RLF: variants seen among roughly 807,000 people sequenced by gnomAD.
RLF encodes the protein zinc finger protein Rlf.
RLF carries 7 observed loss-of-function variants against 162.9 expected under a neutral mutation model. The ratio of observed to expected loss-of-function variants is 0.04; its 90% CI spans 0.02 to 0.08. RLF has a LOEUF of 0.08. RLF is among the 10% of genes least tolerant of loss of function. The probability of loss-of-function intolerance (pLI) is 1.00; values close to 1 mark genes in which losing one functional copy is unlikely to be tolerated. For synonymous variants in RLF, 782 were observed against 791.5 expected, an observed-to-expected ratio of 0.99 and a Z score of 0.20; for missense variants, 1,664 against 2,244.7, an observed-to-expected ratio of 0.74 and a Z score of 5.23.
chr1:40,237,447 A>C lies in RLF; in HGVS notation c.2745A>C (p.Thr915=), dbSNP rs752427201. The change falls in exon 8 of 8, where the codon ACA becomes ACC. Residue 915 remains threonine (T), a synonymous_variant. Coordinates refer to ENST00000372771, the MANE Select transcript of RLF (RefSeq NM_012421.4). This position sits in a 1 kb window ranked among gnomAD's most constrained non-coding sequence, Gnocchi z 4.4. ...SASMNEELID[T]LDHSETMQDV... is the part of the protein sequence containing the mutation. ...CAATGAATGAAGAGCTAATTGACACACTAGATCACTCTGAAACTATGCAGG... is the reference window on the plus strand; with the variant it reads ...CAATGAATGAAGAGCTAATTGACACCCTAGATCACTCTGAAACTATGCAGG... The C allele has an allele frequency of 1.9e-6, 3 of 1,614,100 alleles. No individual in the cohort carries two copies. Among genetic ancestry groups the C allele is most frequent in the South Asian group, 2.2e-5 (2 of 91,074 alleles).
intron 1 of RLF, among the ~76,000 whole-genome samples, chr1:40,176,909 C>T (rs1182840518): frequency 6.6e-6 from 1 of 151,994 alleles, no homozygotes; most frequent in Non-Finnish European, 1.5e-5. Context: ...AAGATTTTCT[C>T]CCTAGGTTGT....
intron 5 of RLF, among the ~76,000 whole-genome samples, chr1:40,212,378 ATACT>A (rs1396198765): frequency 3.3e-5 from 5 of 152,292 alleles, no homozygotes; most frequent in African/African-American, 1.2e-4. Flanking sequence ...TTAGGTTGTG[ATACT>A]TTATTTATGT....
At chr1:40,178,388 G>A (rs1642356007) in intron 1 of RLF, among the ~76,000 whole-genome samples, 1 of 152,038 alleles carries the variant, frequency 6.6e-6, no homozygotes, top group South Asian at 2.1e-4. Flanking sequence ...TGGTTGCCAA[G>A]GGCTAGAAGG....
chr1:40,233,040 A>T (rs1250254556), intron 7 of RLF, among the ~76,000 whole-genome samples: 1 of 148,606 alleles, frequency 6.7e-6, no homozygotes, highest in Non-Finnish European at 1.5e-5. Flanking sequence ...GGTGGCAGTG[A>T]GCCGAGATCA....
At chr1:40,217,476 G>C (rs894608389) in intron 5 of RLF, among the ~76,000 whole-genome samples, 1 of 150,830 alleles carries the variant, frequency 6.6e-6, no homozygotes, top group African/African-American at 2.4e-5. Context: ...GTCTCTTATA[G>C]TAAAAAACAA....
intron 6 of RLF, among the ~76,000 whole-genome samples, chr1:40,226,020 T>C (rs1643067947): frequency 6.6e-6 from 1 of 150,890 alleles, no homozygotes; most frequent in African/African-American, 2.4e-5. Flanking sequence ...TGCAGCACTC[T>C]AGTATGGGTG....
At chr1:40,197,886 CA>C (rs1232729325) in intron 4 of RLF, among the ~76,000 whole-genome samples, 3 of 152,116 alleles carry the variant, frequency 2.0e-5, no homozygotes, top group African/African-American at 7.2e-5. Flanking sequence ...TATTTGATAC[CA>C]AAAAGCAGTG....
At chr1:40,202,863 G>A (rs963602596) in intron 5 of RLF, among the ~76,000 whole-genome samples, 2 of 152,142 alleles carry the variant, frequency 1.3e-5, no homozygotes, top group South Asian at 2.1e-4. Context: ...ATGATTTGCT[G>A]TGAAATCTTT....
At chr1:40,182,304 G>A (rs980529260) in intron 1 of RLF, among the ~76,000 whole-genome samples, 4 of 152,050 alleles carry the variant, frequency 2.6e-5, no homozygotes, top group African/African-American at 9.7e-5. Flanking sequence ...CATGGTGGCG[G>A]GCGCCTGTAA....
intron 5 of RLF, among the ~76,000 whole-genome samples, chr1:40,215,801 G>C (rs1359715254): frequency 6.6e-6 from 1 of 151,880 alleles, no homozygotes; most frequent in African/African-American, 2.4e-5. Context: ...TTTATGGAGG[G>C]AAATTTCTAT....
At chr1:40,199,709 G>C (rs945153388) in intron 4 of RLF, among the ~76,000 whole-genome samples, 3 of 152,180 alleles carry the variant, frequency 2.0e-5, no homozygotes, top group African/African-American at 4.8e-5. Flanking sequence ...CAGGTATGTT[G>C]CTTCCTGTTG....
chr1:40,197,952 C>A (rs1642658898), intron 4 of RLF, among the ~76,000 whole-genome samples: 2 of 152,186 alleles, frequency 1.3e-5, no homozygotes, highest in African/African-American at 4.8e-5. Context: ...GATAATTTTA[C>A]CTGATATTCA....
In RLF at chr1:40,238,958, A is replaced by C; in HGVS notation, c.4256A>C (p.Tyr1419Ser). Residue 1419 changes from tyrosine to serine, a missense_variant, in exon 8 of 8, where the codon TAT (tyrosine) becomes TCT (serine). By Grantham distance (144) the Tyr-to-Ser change is moderately radical. Around this residue, in one of 15 missense-constraint regions of RLF, gnomAD observed 200 missense variants for 207.3 expected, o/e 0.96. Coordinates refer to ENST00000372771, the MANE Select transcript of RLF (RefSeq NM_012421.4). The surrounding 1 kb of genome is among the most constrained non-coding windows in gnomAD (Gnocchi z 5.2). ...CAGCCTCAGTGCCCTGCTGTTTTTT[A>C]TACATTCAACAAGTTGAAGCACCAC... Reference protein sequence around the residue: ...CNQPQCPAVFYTFNKLKHHLM... With the variant: ...CNQPQCPAVFSTFNKLKHHLM... 1 of 1,614,212 alleles carries C rather than the reference A, an allele frequency of 6.2e-7. No homozygotes were observed. Among genetic ancestry groups the C allele is most frequent in the Non-Finnish European group, 8.5e-7 (1 of 1,180,030 alleles).
At chr1:40,179,587 G>A (rs189564319) in intron 1 of RLF, among the ~76,000 whole-genome samples, 296 of 148,662 alleles carry the variant, frequency 2.0e-3, no homozygotes, top group African/African-American at 6.8e-3. Flanking sequence ...TAAAGTATAC[G>A]TAACATAGAA....
intron 4 of RLF, among the ~76,000 whole-genome samples, chr1:40,201,644 A>C (rs1642721920): frequency 6.6e-6 from 1 of 151,436 alleles, no homozygotes; most frequent in Admixed American, 6.6e-5. Context: ...AAAAAAAAAA[A>C]AAATTTGAGG....
At position 40,236,607 on chromosome 1, in the gene RLF, A is replaced by T. The variant is rs1290765924; in HGVS notation, c.1905A>T (p.Ala635=). The change falls in exon 8 of 8, where the codon GCA becomes GCT. Residue 635 remains alanine, a synonymous_variant. Coordinates refer to ENST00000372771, the MANE Select transcript of RLF (RefSeq NM_012421.4). The surrounding 1 kb of genome is among the most constrained non-coding windows in gnomAD (Gnocchi z 7.7). ...GTATTTGTCCTAAGAGCCCCTCTGC[A>T]ATCCCAGAGCAAAACCATTCATTGA... ...QKGICPKSPS[A]IPEQNHSLND... The T allele has an allele frequency of 2.9e-5, 47 of 1,614,074 alleles. No individual in the cohort carries two copies. The highest frequency in any genetic ancestry group is 3.9e-5 in the Non-Finnish European group (46 of 1,180,034).
chr1:40,192,225 CTG>C (rs1257820335), intron 3 of RLF, among the ~76,000 whole-genome samples: 1 of 152,194 alleles, frequency 6.6e-6, no homozygotes, highest in Non-Finnish European at 1.5e-5. Flanking sequence ...TTTTGTCACT[CTG>C]TGTTCTGAAG....
chr1:40,222,001 T>C (rs1643006243), intron 5 of RLF, among the ~76,000 whole-genome samples: 1 of 152,008 alleles, frequency 6.6e-6, no homozygotes, highest in Non-Finnish European at 1.5e-5. Context: ...TTTTAAGATT[T>C]AAGTCATATA....
At chr1:40,181,607 A>G (rs1642405639) in intron 1 of RLF, among the ~76,000 whole-genome samples, 1 of 152,182 alleles carries the variant, frequency 6.6e-6, no homozygotes, top group African/African-American at 2.4e-5. Flanking sequence ...AGGTGTTTAG[A>G]TTATTAAAGG....
Sources: gnomAD v4.1 joint callset for allele counts (sites outside exome capture counted in the v4.1 genomes callset) on GRCh38, gnomAD v4.1.1 for gene constraint, gnomAD v4.1.1 regional missense constraint, Gnocchi (gnomAD v3.1) non-coding constraint, MANE v1.5 for transcripts, NCBI Gene and HGNC (gene_info 2026-07-23, HGNC 2026-07-21) for gene names.